Variants in SLCO3A1 observed in about 807,000 individuals in gnomAD.
SLCO3A1 encodes PGE1 transporter.
SLCO3A1 carries 27 observed loss-of-function variants against 63.1 expected under a neutral mutation model. That is an observed-to-expected ratio of 0.43 (90% CI 0.32 to 0.59). SLCO3A1 has a LOEUF of 0.59. Ranked by LOEUF, SLCO3A1 falls within the 20% of genes least tolerant of loss-of-function variation. The pLI is 0.09. For synonymous variants in SLCO3A1, 473 were observed against 409.9 expected (o/e 1.15, Z -1.86); for missense variants, 773 against 945.8 (o/e 0.82, Z 2.40).
chr15:92,091,498 A>G (rs971819456), intron 2 of SLCO3A1, among the ~76,000 whole-genome samples: 14 of 152,202 alleles, frequency 9.2e-5, no homozygotes, highest in Admixed American at 7.2e-4. Context: ...TAAGGGGGAA[A>G]CCAAGGAAGA....
chr15:92,125,384 A>G (rs2047908900), intron 5 of SLCO3A1, among the ~76,000 whole-genome samples: 1 of 152,192 alleles, frequency 6.6e-6, no homozygotes, highest in African/African-American at 2.4e-5. Context: ...CGAATCAGAA[A>G]TAACAGGTTT....
intron 2 of SLCO3A1, among the ~76,000 whole-genome samples, chr15:92,002,117 G>A (rs562820335): frequency 1.8e-4 from 28 of 152,246 alleles, no homozygotes; most frequent in African/African-American, 6.7e-4. Context: ...GGAACTGAGG[G>A]TCTTAGCCCA....
downstream of SLCO3A1, among the ~76,000 whole-genome samples, chr15:92,168,411 G>C (rs7176191): frequency 0.059 from 9,050 of 152,278 alleles, 652 homozygotes; most frequent in East Asian, 0.27. Context: ...TGCAGTCTGT[G>C]TTGCAACTTC....
intron 4 of SLCO3A1, among the ~76,000 whole-genome samples, chr15:92,109,342 C>G (rs936014926): frequency 3.3e-5 from 5 of 152,186 alleles, no homozygotes; most frequent in Non-Finnish European, 2.9e-5. Context: ...GTGGCGTCAG[C>G]AGGTGCTGAC....
At chr15:92,148,171 G>A (rs772028148) in intron 8 of SLCO3A1, among the ~76,000 whole-genome samples, 8 of 152,198 alleles carry the variant, frequency 5.3e-5, no homozygotes, top group South Asian at 2.1e-4. Flanking sequence ...TCATACCACC[G>A]CACTCCAGCC....
chr15:92,091,236 C>T (rs2047471383), intron 2 of SLCO3A1, among the ~76,000 whole-genome samples: 1 of 152,168 alleles, frequency 6.6e-6, no homozygotes, highest in Non-Finnish European at 1.5e-5. Flanking sequence ...AGGGTAGTAG[C>T]AAAGAAAGCC....
At chr15:92,171,908 C>T in exon 11 of SLCO3A1, 1 of 1,411,466 alleles carries the variant, frequency 7.1e-7, no homozygotes, top group Non-Finnish European at 9.8e-7. Context: ...CCCACCACCA[C>T]CCACAGACCT....
At position 92,095,615 on chromosome 15, in the gene SLCO3A1, C is replaced by G. The variant is rs538338188; in HGVS notation, c.745+636C>G. Among the ~76,000 whole-genome samples the G allele has an allele frequency of 4.6e-5, 7 of 152,334 alleles. No homozygotes were observed. In the South Asian group the frequency reaches 1.5e-3, roughly 32 times the overall value. ...TGTGGGATTGAATGGGATGCTAGATCGATGGGCTAGACTATTCTGTGGTGA... is the reference window on the plus strand; with the variant it reads ...TGTGGGATTGAATGGGATGCTAGATGGATGGGCTAGACTATTCTGTGGTGA... On this transcript the variant is annotated intron_variant, in intron 3 of 9. Coordinates refer to ENST00000318445, the MANE Select transcript of SLCO3A1 (RefSeq NM_013272.4).
At chr15:91,989,637 C>T (rs970933621) in intron 2 of SLCO3A1, among the ~76,000 whole-genome samples, 5 of 152,202 alleles carry the variant, frequency 3.3e-5, no homozygotes, top group South Asian at 2.1e-4. Flanking sequence ...TCCATTACCT[C>T]GTTGCTCTGC....
intron 1 of SLCO3A1, among the ~76,000 whole-genome samples, chr15:91,881,011 C>T (rs1012985441): frequency 6.6e-6 from 1 of 152,176 alleles, no homozygotes; most frequent in African/African-American, 2.4e-5. Flanking sequence ...TGTCTCCTTT[C>T]AAAATGGGGC....
rs1243086243 is a variant in SLCO3A1 at position 91,894,552 on chromosome 15, G to A, written c.181-21441G>A. Among the ~76,000 whole-genome samples, 1 of 152,168 alleles carries A rather than the reference G, an allele frequency of 6.6e-6. No individual in the cohort carries two copies. The highest frequency in any genetic ancestry group is 1.5e-5 in the Non-Finnish European group (1 of 68,036). On this transcript the variant is annotated intron_variant, in intron 1 of 9. Transcript: ENST00000318445. This position sits in a 1 kb window ranked among gnomAD's most constrained non-coding sequence, Gnocchi z 4.8. ...GGATTAGATGTCTGAAGGCAGCAGA[G>A]GCAATGGAGGAGGGTCCCCAGCACT...
intron 2 of SLCO3A1, among the ~76,000 whole-genome samples, chr15:92,061,580 C>T (rs1270891339): frequency 1.3e-5 from 2 of 152,196 alleles, no homozygotes; most frequent in East Asian, 1.9e-4. Flanking sequence ...ACCCAAAGAG[C>T]TAATAGGGCT....
intron 2 of SLCO3A1, among the ~76,000 whole-genome samples, chr15:92,048,386 G>A (rs773237065): frequency 2.0e-5 from 3 of 152,172 alleles, no homozygotes; most frequent in Non-Finnish European, 4.4e-5. Context: ...ATGTGGTCGT[G>A]TTGTCACTGG....
intron 2 of SLCO3A1, among the ~76,000 whole-genome samples, chr15:91,985,864 T>C (rs918044117): frequency 1.3e-5 from 2 of 152,052 alleles, no homozygotes; most frequent in Admixed American, 6.5e-5. Context: ...GAGGAATGAG[T>C]GCACGGAGCT....
At position 91,936,411 on chromosome 15, in the gene SLCO3A1, C is replaced by T. The variant is rs929528480; in HGVS notation, c.646+19953C>T. On this transcript the variant is annotated intron_variant, in intron 2 of 9. Coordinates refer to ENST00000318445, the MANE Select transcript of SLCO3A1 (RefSeq NM_013272.4). ...GTTCCTCATTTGCACTAGCTAGATT[C>T]GAAGACCCAGTAGCCACATGTGACT... 3.9e-5 allele frequency among the ~76,000 whole-genome samples: 6 copies of T among 152,192 alleles called. No homozygotes were observed. The East Asian group carries it at 5.8e-4, about 15-fold the overall frequency.
At chr15:92,159,671 A>G (rs1047946214) in intron 9 of SLCO3A1, among the ~76,000 whole-genome samples, 3 of 149,744 alleles carry the variant, frequency 2.0e-5, no homozygotes, top group Non-Finnish European at 4.4e-5. Context: ...GGGTCAAGTG[A>G]TCCTCCCATC....
chr15:92,074,980 A>G (rs143267832), intron 2 of SLCO3A1, among the ~76,000 whole-genome samples: 5 of 152,236 alleles, frequency 3.3e-5, no homozygotes, highest in Non-Finnish European at 7.4e-5. Context: ...CAGTTTGTTC[A>G]GACTTGGGGA....
intron 2 of SLCO3A1, among the ~76,000 whole-genome samples, chr15:92,035,512 G>C (rs2046714618): frequency 6.6e-6 from 1 of 151,748 alleles, no homozygotes; most frequent in African/African-American, 2.4e-5. Context: ...CAGGAACCAG[G>C]CTGTGGGCTG....
intron 2 of SLCO3A1, among the ~76,000 whole-genome samples, chr15:91,982,662 G>A (rs1212113484): frequency 2.0e-5 from 3 of 152,218 alleles, no homozygotes; most frequent in Non-Finnish European, 4.4e-5. Context: ...CTGCTCTAGA[G>A]TTTAATAAGG....
Sources: gnomAD v4.1 joint callset for allele counts (sites outside exome capture counted in the v4.1 genomes callset) on GRCh38, gnomAD v4.1.1 for gene constraint, Gnocchi (gnomAD v3.1) non-coding constraint, MANE v1.5 for transcripts, NCBI Gene and HGNC (gene_info 2026-07-23, HGNC 2026-07-21) for gene names.